CPM: variants seen among roughly 807,000 people sequenced by gnomAD.
CPM encodes carboxypeptidase M.
A neutral mutation model predicts 46.4 loss-of-function variants in CPM; 35 were observed. The ratio of observed to expected loss-of-function variants is 0.75; its 90% CI spans 0.58 to 1.00. The LOEUF is 1.00. Ranked by LOEUF, CPM falls within the 50% of genes least tolerant of loss-of-function variation. CPM has a pLI of 0.00. For missense variants in CPM, 422 were observed against 530.4 expected (o/e 0.80, Z 2.01); for synonymous variants, 195 against 195.3 (o/e 1.00, Z 0.01).
chr12:68,922,610 T>C (rs902916402), intron 2 of CPM, among the ~76,000 whole-genome samples: 2 of 131,110 alleles, frequency 1.5e-5, no homozygotes, highest in African/African-American at 5.9e-5. Flanking sequence ...TTGTTTGAAG[T>C]TGGCAGCATT....
intron 3 of CPM, among the ~76,000 whole-genome samples, chr12:68,875,545 C>A (rs1885912041): frequency 6.6e-6 from 1 of 151,986 alleles, no homozygotes; most frequent in Non-Finnish European, 1.5e-5. Flanking sequence ...GTGGCTCATT[C>A]CTATAATCCC....
intron 6 of CPM, among the ~76,000 whole-genome samples, chr12:68,867,420 T>G (rs1055402648): frequency 6.6e-6 from 1 of 152,252 alleles, no homozygotes; most frequent in Non-Finnish European, 1.5e-5. Context: ...ATAAGATTCC[T>G]TTAAAATATT....
intron 2 of CPM, among the ~76,000 whole-genome samples, chr12:68,886,752 A>C (rs1886449601): frequency 6.6e-6 from 1 of 152,222 alleles, no homozygotes; most frequent in Non-Finnish European, 1.5e-5. Context: ...CCTTGGGAGC[A>C]TCCTTGATAT....
chr12:68,875,803 CAAAAA>C (rs34998099), intron 3 of CPM, among the ~76,000 whole-genome samples: 2 of 110,282 alleles, frequency 1.8e-5, no homozygotes, highest in Non-Finnish European at 2.0e-5. Context: ...GACTCTGTCT[CAAAAA>C]AAAAAAAAAA....
chr12:68,958,254 G>T (rs1218154543), intron 1 of CPM, among the ~76,000 whole-genome samples: 2 of 152,170 alleles, frequency 1.3e-5, no homozygotes, highest in Non-Finnish European at 2.9e-5. Flanking sequence ...CTAGATCCTT[G>T]AGGAATTGCC....
At chr12:68,887,328 G>A (rs896822780) in intron 2 of CPM, among the ~76,000 whole-genome samples, 6 of 152,162 alleles carry the variant, frequency 3.9e-5, no homozygotes, top group African/African-American at 1.2e-4. Flanking sequence ...CAACCAATGG[G>A]CAAATGTTGA....
intron 8 of CPM, among the ~76,000 whole-genome samples, chr12:68,857,115 A>G (rs1885010751): frequency 6.6e-6 from 1 of 151,690 alleles, no homozygotes; most frequent in African/African-American, 2.4e-5. Flanking sequence ...CAGCTGACCT[A>G]CAAGCCTATT....
At chr12:68,892,033 G>T (rs1004704450) in intron 2 of CPM, among the ~76,000 whole-genome samples, 1 of 152,010 alleles carries the variant, frequency 6.6e-6, no homozygotes, top group Admixed American at 6.6e-5. Context: ...CACTTCACGC[G>T]GCTGGAAATC....
intron 2 of CPM, among the ~76,000 whole-genome samples, chr12:68,891,502 C>A (rs1297693274): frequency 1.3e-5 from 2 of 152,196 alleles, no homozygotes; most frequent in African/African-American, 4.8e-5. Flanking sequence ...TATATTCACT[C>A]ATTTAACCCT....
At chr12:68,901,948 G>A (rs1160294009) in intron 2 of CPM, among the ~76,000 whole-genome samples, 3 of 152,100 alleles carry the variant, frequency 2.0e-5, no homozygotes, top group African/African-American at 7.2e-5. Flanking sequence ...AGGCACCTCT[G>A]TGTCACCCAG....
At chr12:68,898,327 G>A (rs780894432) in intron 2 of CPM, among the ~76,000 whole-genome samples, 1 of 152,046 alleles carries the variant, frequency 6.6e-6, no homozygotes, top group African/African-American at 2.4e-5. Context: ...AGGAATAATG[G>A]CAATTAATTT....
rs1248908628 is a variant in CPM at position 68,853,051 on chromosome 12, CAGTT to C, written c.*3382_*3385del. The C allele has an allele frequency of 2.6e-5, 4 of 152,368 alleles. No homozygotes were observed. Among genetic ancestry groups the C allele is most frequent in the East Asian group, 3.9e-4 (2 of 5,190 alleles). The allele number at this position is 152,368 out of a possible 1,614,324, so 9.4% of individuals were successfully genotyped here. A position where few individuals can be genotyped will look rare whatever the true frequency, so the allele number is the denominator to read the frequency against. On this transcript the variant is annotated 3_prime_UTR_variant, in exon 9 of 9. Coordinates refer to ENST00000551568, the MANE Select transcript of CPM (RefSeq NM_198320.5). The stretch of plus-strand genomic sequence containing the variant: ...GTGGCTTGGGTACCTGGTTTGACCA[CAGTT>C]AGAATATCATGATTGTGTTTTGTTA...
intron 3 of CPM, among the ~76,000 whole-genome samples, chr12:68,876,285 T>A (rs777116427): frequency 3.3e-5 from 5 of 152,210 alleles, no homozygotes; most frequent in African/African-American, 4.8e-5. Flanking sequence ...ATTTTTTAAA[T>A]GCTGAGATAA....
chr12:68,962,199 CAA>C (rs763014081), intron 1 of CPM, among the ~76,000 whole-genome samples: 1 of 29,490 alleles, frequency 3.4e-5, no homozygotes. Flanking sequence ...GACTCCATCT[CAA>C]AAAAAAAAAA....
Position 68,852,104 on chromosome 12 carries a change from A to C in CPM, c.*4333T>G, listed in dbSNP as rs1330055745. On this transcript the variant is annotated 3_prime_UTR_variant, in exon 9 of 9. Transcript: ENST00000551568. ...ATTTTTAGAAACAGATCACAAATGCAAATTTGCTTCTGGAACAAAACATAA... is the reference window on the plus strand; with the variant it reads ...ATTTTTAGAAACAGATCACAAATGCCAATTTGCTTCTGGAACAAAACATAA... 6.6e-6 allele frequency: 1 copy of C among 152,252 alleles called. No homozygotes were observed. The highest frequency in any genetic ancestry group is 6.5e-5 in the Admixed American group (1 of 15,290). 9.4% of individuals were successfully genotyped at this position (152,252 alleles called of 1,614,324 possible).
intron 1 of CPM, among the ~76,000 whole-genome samples, chr12:68,942,301 G>A (rs1213922061): frequency 1.3e-5 from 2 of 152,042 alleles, no homozygotes; most frequent in Non-Finnish European, 2.9e-5. Flanking sequence ...GATTTAGAAA[G>A]GATTTGTATA....
At chr12:68,898,518 C>T (rs777588318) in intron 2 of CPM, among the ~76,000 whole-genome samples, 4 of 152,224 alleles carry the variant, frequency 2.6e-5, no homozygotes, top group East Asian at 3.9e-4. Flanking sequence ...GTTCCCTAAC[C>T]GGAACATTTG....
At chr12:68,904,295 A>G (rs1175863857) in intron 2 of CPM, among the ~76,000 whole-genome samples, 1 of 152,312 alleles carries the variant, frequency 6.6e-6, no homozygotes, top group East Asian at 1.9e-4. Flanking sequence ...TATAACAGAT[A>G]CCGTCTCATA....
Position 68,866,927 on chromosome 12 carries a change from T to C in CPM, c.909A>G (p.Ser303=), listed in dbSNP as rs777616637. 1 of 1,613,858 alleles carries C rather than the reference T, an allele frequency of 6.2e-7. No individual in the cohort carries two copies. Among genetic ancestry groups the C allele is most frequent in the Non-Finnish European group, 8.5e-7 (1 of 1,179,982 alleles). ...LPSFWNNNKA[S]LIEYIKQVHL... is the part of the protein sequence containing the mutation. ...GCACCTGCTTTATATATTCAATTAA[T>C]GAGGCTTTGTTATTATTCCAAAAGG... The change falls in exon 7 of 9, where the codon TCA becomes TCG. Residue 303 remains serine (S), a synonymous_variant. Transcript: ENST00000551568.
Sources: gnomAD v4.1 joint callset for allele counts (sites outside exome capture counted in the v4.1 genomes callset) on GRCh38, gnomAD v4.1.1 for gene constraint, MANE v1.5 for transcripts, NCBI Gene and HGNC (gene_info 2026-07-23, HGNC 2026-07-21) for gene names.